Variants in GPR139 observed in about 807,000 individuals in gnomAD.
GPR139 encodes G protein-coupled receptor 139, also known as probable G protein-coupled receptor 139.
A neutral mutation model predicts 25.8 loss-of-function variants in GPR139; 12 were observed. The observed-to-expected ratio is 0.47, with a 90% confidence interval of 0.30 to 0.75. The LOEUF (loss-of-function observed/expected upper bound fraction) is 0.75. Among genes scored for constraint, GPR139 ranks in the 30% least tolerant of loss-of-function variants. The pLI, the probability that GPR139 is intolerant of heterozygous loss-of-function variation, is 0.07. For synonymous variants in GPR139, 184 were observed against 179.9 expected, an observed-to-expected ratio of 1.02 and a Z score of -0.18; for missense variants, 380 against 450.2, an observed-to-expected ratio of 0.84 and a Z score of 1.41.
At chr16:20,054,944 T>C (rs1596469109) in intron 1 of GPR139, among the ~76,000 whole-genome samples, 1 of 152,162 alleles carries the variant, frequency 6.6e-6, no homozygotes, top group African/African-American at 2.4e-5. Context: ...GCTAGGCTGG[T>C]CTCGAACTCC....
chr16:20,036,885 G>C (rs1255263088), intron 1 of GPR139, among the ~76,000 whole-genome samples: 1 of 152,190 alleles, frequency 6.6e-6, no homozygotes, highest in African/African-American at 2.4e-5. Flanking sequence ...GCTATTGACT[G>C]AGAGTCCATT....
chr16:20,051,296 C>T (rs1378185378), intron 1 of GPR139, among the ~76,000 whole-genome samples: 2 of 152,184 alleles, frequency 1.3e-5, no homozygotes, highest in Non-Finnish European at 1.5e-5. Context: ...ACACAATGCA[C>T]ACCCTCCTCC....
At chr16:20,036,010 A>C (rs960727056) in intron 1 of GPR139, among the ~76,000 whole-genome samples, 1 of 152,176 alleles carries the variant, frequency 6.6e-6, no homozygotes, top group Admixed American at 6.5e-5. Flanking sequence ...TACATTGGGT[A>C]CTCTTGTGGA....
chr16:20,046,378 G>A (rs2057354489), intron 1 of GPR139, among the ~76,000 whole-genome samples: 1 of 152,230 alleles, frequency 6.6e-6, no homozygotes, highest in African/African-American at 2.4e-5. Context: ...TTCTGACTCA[G>A]TAGAATTCTG....
chr16:20,055,129 G>C (rs2057384550), intron 1 of GPR139, among the ~76,000 whole-genome samples: 1 of 142,532 alleles, frequency 7.0e-6, no homozygotes, highest in African/African-American at 2.6e-5. Context: ...TAGGCCCAAT[G>C]TGTGTTGTTC....
At position 20,061,203 on chromosome 16, in the gene GPR139, A is replaced by ATGGATGGATGGATGGATGGATGTG. The variant is rs2057412152; in HGVS notation, c.127+12263_127+12286dup. Among the ~76,000 whole-genome samples the ATGGATGGATGGATGGATGGATGTG allele has an allele frequency of 3.4e-5, 5 of 146,264 alleles. No individual in the cohort carries two copies. The South Asian group carries it at 1.1e-3, about 32-fold the overall frequency. ...AATGGATGGATGGATGGATGGATGG[A>ATGGATGGATGGATGGATGGATGTG]TGGATGGATGGATGGATGGATGTGT... On this transcript the variant is annotated intron_variant, in intron 1 of 1. Coordinates refer to ENST00000570682, the MANE Select transcript of GPR139 (RefSeq NM_001002911.4).
chr16:20,063,106 C>A (rs907542101), intron 1 of GPR139, among the ~76,000 whole-genome samples: 1 of 152,150 alleles, frequency 6.6e-6, no homozygotes, highest in African/African-American at 2.4e-5. Context: ...AATTCAGTTC[C>A]ACAGTTGCAC....
intron 1 of GPR139, among the ~76,000 whole-genome samples, chr16:20,052,150 T>C (rs948497388): frequency 1.3e-5 from 2 of 152,210 alleles, no homozygotes; most frequent in Non-Finnish European, 1.5e-5. Flanking sequence ...GCCTACGCAG[T>C]TCTCTCCTCT....
chr16:20,065,713 A>T (rs2057429989), intron 1 of GPR139, among the ~76,000 whole-genome samples: 2 of 151,980 alleles, frequency 1.3e-5, no homozygotes, highest in Non-Finnish European at 2.9e-5. Flanking sequence ...TCTACTAAAA[A>T]CACAAAAAAA....
chr16:20,044,503 G>A (rs762871699), intron 1 of GPR139, among the ~76,000 whole-genome samples: 10 of 152,162 alleles, frequency 6.6e-5, no homozygotes, highest in Non-Finnish European at 1.3e-4. Context: ...GGGAAGATGA[G>A]TAGGAGTTTA....
At chr16:20,050,310 A>C (rs1256563754) in intron 1 of GPR139, among the ~76,000 whole-genome samples, 1 of 152,230 alleles carries the variant, frequency 6.6e-6, no homozygotes, top group Non-Finnish European at 1.5e-5. Flanking sequence ...GCCAAGAAGC[A>C]AGAGACGGGA....
chr16:20,073,409 G>T lies in GPR139; in HGVS notation c.127+81C>A. ...TCCGAGGGGGCGCCAGGGAACGCAC[G>T]GGGGAGGACGGGGGATTCTGGGTAG... is the stretch of plus-strand genomic sequence containing the variant. On this transcript the variant is annotated intron_variant, in intron 1 of 1. Coordinates refer to ENST00000570682, the MANE Select transcript of GPR139 (RefSeq NM_001002911.4). This position sits in a 1 kb window ranked among gnomAD's most constrained non-coding sequence, Gnocchi z 4.7. The T allele has an allele frequency of 1.3e-6, 2 of 1,552,802 alleles. No homozygotes were observed. The highest frequency in any genetic ancestry group is 2.4e-5 in the East Asian group (1 of 41,458).
At chr16:20,038,260 C>G (rs1033522075) in intron 1 of GPR139, among the ~76,000 whole-genome samples, 1 of 151,490 alleles carries the variant, frequency 6.6e-6, no homozygotes, top group Non-Finnish European at 1.5e-5. Flanking sequence ...TGGGATGTCC[C>G]CAGAAAAAGT....
intron 1 of GPR139, among the ~76,000 whole-genome samples, chr16:20,065,929 A>G (rs1596471745): frequency 6.6e-6 from 1 of 152,062 alleles, no homozygotes. Context: ...AGTGTTTTGA[A>G]GAATGCTTAG....
At chr16:20,044,618 T>C (rs1196029286) in intron 1 of GPR139, among the ~76,000 whole-genome samples, 1 of 152,298 alleles carries the variant, frequency 6.6e-6, no homozygotes, top group Non-Finnish European at 1.5e-5. Context: ...TCAGAGCAGC[T>C]AATAGCTATT....
At chr16:20,054,332 C>CTAATG (rs2057381973) in intron 1 of GPR139, among the ~76,000 whole-genome samples, 1 of 152,128 alleles carries the variant, frequency 6.6e-6, no homozygotes, top group African/African-American at 2.4e-5. Flanking sequence ...AGAATCCAAA[C>CTAATG]CTGCAGGTTA....
chr16:20,062,171 T>C lies in GPR139; in HGVS notation c.127+11319A>G, dbSNP rs1186496440. 2.0e-5 allele frequency among the ~76,000 whole-genome samples: 3 copies of C among 152,348 alleles called. No homozygotes were observed. In the East Asian group the frequency reaches 5.8e-4, roughly 29 times the overall value. Reference sequence around the variant, plus strand: ...GTTCCCCAGACTTTAGTGACTGTCCTACTGCAAAGGATTGAATGTGTTCCC... The same window carrying C: ...GTTCCCCAGACTTTAGTGACTGTCCCACTGCAAAGGATTGAATGTGTTCCC... On this transcript the variant is annotated intron_variant, in intron 1 of 1. Transcript: ENST00000570682.
rs1249442128 is a variant in GPR139 at position 20,032,523 on chromosome 16, AGAT to A, written c.271_273del (p.Ile91del). ...GGGACCTGAGGCATCTGCATGTTCA[AGAT>A]GAAATCTTCCAACAGGAAGTCCACA... On this transcript the variant is annotated inframe_deletion, in exon 2 of 2. Coordinates refer to ENST00000570682, the MANE Select transcript of GPR139 (RefSeq NM_001002911.4). The A allele has an allele frequency of 1.2e-6, 2 of 1,614,048 alleles. No homozygotes were observed. The highest frequency in any genetic ancestry group is 1.7e-6 in the Non-Finnish European group (2 of 1,180,036).
chr16:20,029,186 G>A lies in GPR139; in HGVS notation c.*2549C>T, dbSNP rs994100182. ...ATGTAGCAAAATATAAAATATATTC[G>A]GAGGAAAAGAGATCACAATACCACG... On this transcript the variant is annotated 3_prime_UTR_variant, in exon 2 of 2. Coordinates refer to ENST00000570682, the MANE Select transcript of GPR139 (RefSeq NM_001002911.4). 3.3e-5 allele frequency among the ~76,000 whole-genome samples: 5 copies of A among 151,938 alleles called. No homozygotes were observed. The highest frequency in any genetic ancestry group is 2.1e-4 in the South Asian group (1 of 4,792).
Sources: allele counts gnomAD v4.1 joint callset (sites outside exome capture counted in the v4.1 genomes callset), GRCh38; gene constraint gnomAD v4.1.1; non-coding constraint Gnocchi (gnomAD v3.1); transcripts MANE v1.5; gene names NCBI Gene and HGNC (gene_info 2026-07-23, HGNC 2026-07-21).